SCAPER: variants seen among roughly 807,000 people sequenced by gnomAD.
The protein encoded by SCAPER is S phase cyclin A-associated protein in the endoplasmic reticulum.
SCAPER carries 98 observed loss-of-function variants against 182.2 expected under a neutral mutation model. That is an observed-to-expected ratio of 0.54 (90% confidence interval 0.46 to 0.64). The LOEUF is 0.64. Among genes scored for constraint, SCAPER ranks in the 30% least tolerant of loss-of-function variants. SCAPER has a pLI of 0.00. For synonymous variants in SCAPER, 605 were observed against 564.6 expected (o/e 1.07, Z -1.01); for missense variants, 1,432 against 1,690.0 (o/e 0.85, Z 2.68).
chr15:76,535,129 A>G (rs1475740341), intron 23 of SCAPER, among the ~76,000 whole-genome samples: 2 of 152,148 alleles, frequency 1.3e-5, no homozygotes, highest in African/African-American at 4.8e-5. Context: ...GGGTCTATAG[A>G]AATGAATTTA....
At chr15:76,469,986 T>C (rs1203282810) in intron 25 of SCAPER, among the ~76,000 whole-genome samples, 1 of 152,138 alleles carries the variant, frequency 6.6e-6, no homozygotes, top group Non-Finnish European at 1.5e-5. Context: ...TGACTCATTA[T>C]CATCACTATA....
intron 21 of SCAPER, among the ~76,000 whole-genome samples, chr15:76,652,689 C>T (rs1340352003): frequency 3.3e-5 from 5 of 150,088 alleles, no homozygotes; most frequent in African/African-American, 7.4e-5. Context: ...CCAGCCTGGG[C>T]GACAGAGGGA....
chr15:76,376,384 T>A (rs1386035613), intron 28 of SCAPER, 73 bp from the exon 29 acceptor site: 1 of 1,460,154 alleles, frequency 6.8e-7, no homozygotes, highest in African/African-American at 1.4e-5. Context: ...AAAGCAAGAC[T>A]GGCCCTGTGT....
At chr15:76,706,827 TA>T (rs2059286990) in intron 17 of SCAPER, among the ~76,000 whole-genome samples, 1 of 151,772 alleles carries the variant, frequency 6.6e-6, no homozygotes, top group South Asian at 2.1e-4. Flanking sequence ...TAAATTAAAA[TA>T]AATAAATAAA....
intron 7 of SCAPER, among the ~76,000 whole-genome samples, chr15:76,795,641 A>T (rs1402442222): frequency 6.6e-6 from 1 of 152,218 alleles, no homozygotes; most frequent in African/African-American, 2.4e-5. Context: ...AGTATAACAT[A>T]TGGGAATAAA....
chr15:76,692,103 T>C (rs753090656), intron 20 of SCAPER, among the ~76,000 whole-genome samples: 3 of 152,170 alleles, frequency 2.0e-5, no homozygotes, highest in Admixed American at 6.5e-5. Flanking sequence ...ATGCAGTTAA[T>C]AACATAGCCT....
intron 25 of SCAPER, among the ~76,000 whole-genome samples, chr15:76,451,384 T>A (rs1344266467): frequency 6.6e-6 from 1 of 151,936 alleles, no homozygotes; most frequent in Non-Finnish European, 1.5e-5. Flanking sequence ...TAGCTAGGAG[T>A]GGGATTGCTG....
Position 76,400,396 on chromosome 15 carries a change from T to A in SCAPER, c.3467+4128A>T, listed in dbSNP as rs144595487. Reference sequence around the variant, plus strand: ...TTTCCTCTTAGACATGGCTATGACCTATAGCAGAAACTCTATTTAATGCAT... The same window carrying A: ...TTTCCTCTTAGACATGGCTATGACCAATAGCAGAAACTCTATTTAATGCAT... On this transcript the variant is annotated intron_variant, in intron 27 of 31. Coordinates refer to ENST00000563290, the MANE Select transcript of SCAPER (RefSeq NM_020843.4). Among the ~76,000 whole-genome samples, 824 of 152,336 alleles carry A rather than the reference T, an allele frequency of 5.4e-3. 13 individuals are homozygous for A. The highest frequency in any genetic ancestry group is 0.019 in the African/African-American group (784 of 41,572).
intron 21 of SCAPER, among the ~76,000 whole-genome samples, chr15:76,652,735 TA>T (rs34082993): frequency 0.22 from 33,696 of 150,956 alleles, 4,419 homozygotes; most frequent in East Asian, 0.48. Flanking sequence ...ATGATAATAG[TA>T]AGAGCTATCT....
At chr15:76,780,313 T>C (rs1042840953) in intron 8 of SCAPER, among the ~76,000 whole-genome samples, 60 of 152,314 alleles carry the variant, frequency 3.9e-4, no homozygotes, top group African/African-American at 1.3e-3. Flanking sequence ...GAGGCTACAG[T>C]CGGGCAGGGG....
intron 28 of SCAPER, among the ~76,000 whole-genome samples, chr15:76,377,334 G>A (rs985725506): frequency 1.3e-5 from 2 of 152,176 alleles, no homozygotes; most frequent in African/African-American, 4.8e-5. Context: ...AAGCCCCAAA[G>A]AGACTTCAGA....
At chr15:76,813,622 C>T (rs1171109207) in intron 5 of SCAPER, among the ~76,000 whole-genome samples, 1 of 151,958 alleles carries the variant, frequency 6.6e-6, no homozygotes, top group Non-Finnish European at 1.5e-5. Context: ...TAGCAGGATA[C>T]AAAAATCAAC....
Position 76,656,000 on chromosome 15 carries a change from A to G in SCAPER, c.2645+9653T>C, listed in dbSNP as rs913280304. Among the ~76,000 whole-genome samples the G allele has an allele frequency of 2.0e-5, 3 of 152,206 alleles. No homozygotes were observed. The East Asian group carries it at 5.8e-4, about 29-fold the overall frequency. On this transcript the variant is annotated intron_variant, in intron 21 of 31. Transcript: ENST00000563290. The stretch of plus-strand genomic sequence containing the variant: ...ACTAACACTATAAAGCAACTGCACA[A>G]TCAAGTCTGCATAATAACCAGCTAA...
At chr15:76,847,507 AG>A (rs1180458102) in intron 4 of SCAPER, among the ~76,000 whole-genome samples, 1 of 152,196 alleles carries the variant, frequency 6.6e-6, no homozygotes, top group Non-Finnish European at 1.5e-5. Flanking sequence ...TAAATGTTTG[AG>A]GGGATGAATA....
rs75382831 is a variant in SCAPER, at chr15:76,515,235, C to T, written c.2839-10261G>A. Among the ~76,000 whole-genome samples, 1,374 of 152,208 alleles carry T rather than the reference C, an allele frequency of 9.0e-3. 22 individuals carry two copies. Among genetic ancestry groups the T allele is most frequent in the African/African-American group, 0.032 (1,335 of 41,524 alleles). On this transcript the variant is annotated intron_variant, in intron 23 of 31. Coordinates refer to ENST00000563290, the MANE Select transcript of SCAPER (RefSeq NM_020843.4). ...CGCTCCCTGAGGGAGCTGAATTGTG[C>T]CATTTCTGACCCATTTGGACTAAGG... is the stretch of plus-strand genomic sequence containing the variant.
At chr15:76,432,577 C>T (rs2046939755) in intron 26 of SCAPER, among the ~76,000 whole-genome samples, 1 of 152,210 alleles carries the variant, frequency 6.6e-6, no homozygotes, top group Non-Finnish European at 1.5e-5. Flanking sequence ...CAGTGCAGAA[C>T]ACAGAAGAGG....
intron 2 of SCAPER, among the ~76,000 whole-genome samples, chr15:76,877,751 C>T (rs1195673616): frequency 6.6e-6 from 1 of 152,098 alleles, no homozygotes; most frequent in Non-Finnish European, 1.5e-5. Flanking sequence ...AAGAGAAAGG[C>T]TGAAGAACTG....
chr15:76,364,591 CTG>C (rs1235024340), intron 29 of SCAPER, among the ~76,000 whole-genome samples: 2 of 152,100 alleles, frequency 1.3e-5, no homozygotes, highest in Non-Finnish European at 2.9e-5. Context: ...TGGGAAAAGG[CTG>C]TGTGCTTGGT....
chr15:76,481,782 G>T (rs1219219898), intron 24 of SCAPER, among the ~76,000 whole-genome samples: 1 of 152,178 alleles, frequency 6.6e-6, no homozygotes, highest in Admixed American at 6.5e-5. Flanking sequence ...CTCCAGCACT[G>T]TGCCTCCATG....
Sources: gnomAD v4.1 joint callset for allele counts (sites outside exome capture counted in the v4.1 genomes callset) on GRCh38, gnomAD v4.1.1 for gene constraint, MANE v1.5 for transcripts, NCBI Gene and HGNC (gene_info 2026-07-23, HGNC 2026-07-21) for gene names.